The following GALNT18 variants were observed in gnomAD, a reference collection of about 807,000 sequenced individuals.
GALNT18 encodes the protein polypeptide N-acetylgalactosaminyltransferase 18, also known as GalNAc-transferase 18.
GALNT18 carries 44 observed loss-of-function variants against 69.5 expected under a neutral mutation model. The ratio of observed to expected loss-of-function variants is 0.63; its 90% CI spans 0.50 to 0.81. GALNT18 has a LOEUF of 0.81. Ranked by LOEUF, GALNT18 falls within the 40% of genes least tolerant of loss-of-function variation. The pLI, the probability that GALNT18 is intolerant of heterozygous loss-of-function variation, is 0.00. For missense variants in GALNT18, 715 were observed against 810.0 expected (o/e 0.88, Z 1.42); for synonymous variants, 364 against 318.2 (o/e 1.14, Z -1.53).
chr11:11,400,036 T>C lies in GALNT18; in HGVS notation c.596-20772A>G, dbSNP rs527332918. The stretch of plus-strand genomic sequence containing the variant: ...GATTTAGTTGCCTGCTCCTAAAAAA[T>C]AGAATATGGCAGCAGTGGAAGTGAT... On this transcript the variant is annotated intron_variant, in intron 3 of 10. Coordinates refer to ENST00000227756, the MANE Select transcript of GALNT18 (RefSeq NM_198516.3). Among the ~76,000 whole-genome samples the C allele has an allele frequency of 3.9e-5, 6 of 152,280 alleles. No individual in the cohort carries two copies. The South Asian group carries it at 1.2e-3, about 32-fold the overall frequency.
intron 1 of GALNT18, among the ~76,000 whole-genome samples, chr11:11,485,618 T>C (rs1394269750): frequency 6.6e-6 from 1 of 152,162 alleles, no homozygotes; most frequent in Non-Finnish European, 1.5e-5. Context: ...TCATGAGTGC[T>C]GGCTGGCAGG....
rs1157277686 is a variant in GALNT18, at chr11:11,436,969, A to G, written c.429-4182T>C. Among the ~76,000 whole-genome samples the G allele has an allele frequency of 6.6e-6, 1 of 152,198 alleles. No homozygotes were observed. The highest frequency in any genetic ancestry group is 6.5e-5 in the Admixed American group (1 of 15,278). On this transcript the variant is annotated intron_variant, in intron 2 of 10. Transcript: ENST00000227756. This position sits in a 1 kb window ranked among gnomAD's most constrained non-coding sequence, Gnocchi z 4.5. The stretch of plus-strand genomic sequence containing the variant: ...CTTTGCTCCCAAATCTGTACTGCTA[A>G]GATGCCCTCCCAGAGCACCTGGATT...
At chr11:11,481,532 G>A (rs999329279) in intron 1 of GALNT18, among the ~76,000 whole-genome samples, 2 of 152,154 alleles carry the variant, frequency 1.3e-5, no homozygotes, top group East Asian at 3.9e-4. Context: ...CTTTCCCAAG[G>A]GACAAGGGAA....
At chr11:11,379,374 CCA>C in intron 3 of GALNT18, 110 bp from the exon 4 acceptor site, 3 of 1,051,272 alleles carry the variant, frequency 2.9e-6, no homozygotes, top group Non-Finnish European at 4.1e-6. Context: ...GCTGGGGGAC[CCA>C]TTCCCCTCCC....
chr11:11,496,380 C>T lies in GALNT18; in HGVS notation c.236-47444G>A, dbSNP rs181582379. The stretch of plus-strand genomic sequence containing the variant: ...GGGTCCAATTACAGGGAAGGAGGGT[C>T]AGCTCTTGCCTGACTCAGTTGAACC... On this transcript the variant is annotated intron_variant, in intron 1 of 10. Transcript: ENST00000227756. This position sits in a 1 kb window ranked among gnomAD's most constrained non-coding sequence, Gnocchi z 4.0. Among the ~76,000 whole-genome samples, 211 of 152,286 alleles carry T rather than the reference C, an allele frequency of 1.4e-3. 4 individuals are homozygous for T. The highest frequency in any genetic ancestry group is 0.013 in the Admixed American group (200 of 15,302).
chr11:11,338,013 G>A lies in GALNT18; in HGVS notation c.1278+2806C>T, dbSNP rs1392651322. 6.7e-6 allele frequency among the ~76,000 whole-genome samples: 1 copy of A among 149,218 alleles called. No homozygotes were observed. The highest frequency in any genetic ancestry group is 1.5e-5 in the Non-Finnish European group (1 of 67,728). On this transcript the variant is annotated intron_variant, in intron 7 of 10. Transcript: ENST00000227756. This position sits in a 1 kb window ranked among gnomAD's most constrained non-coding sequence, Gnocchi z 5.3. ...CAGTCTCGCTCTGTCACCCAGGCTG[G>A]AGTGAGTGCAGTGGCACGATCTCAG...
rs144276977 is a variant in GALNT18 at position 11,339,594 on chromosome 11, G to C, written c.1278+1225C>G. ...AATACCGTGATTCAATCCTGACCAT[G>C]AGTCCAGAAGGTAATGCAGTTCCCC... is the stretch of plus-strand genomic sequence containing the variant. On this transcript the variant is annotated intron_variant, in intron 7 of 10. Transcript: ENST00000227756. This position sits in a 1 kb window ranked among gnomAD's most constrained non-coding sequence, Gnocchi z 5.2. Among the ~76,000 whole-genome samples the C allele has an allele frequency of 6.6e-6, 1 of 152,298 alleles. No homozygotes were observed. Among genetic ancestry groups the C allele is most frequent in the Non-Finnish European group, 1.5e-5 (1 of 68,030 alleles).
At chr11:11,352,114 A>G in intron 6 of GALNT18, 1 of 1,613,440 alleles carries the variant, frequency 6.2e-7, no homozygotes, top group Non-Finnish European at 8.5e-7. Flanking sequence ...ATGCTAGATG[A>G]ACCCATTCGA....
In GALNT18 at chr11:11,564,834, A is replaced by G. The variant is rs894889460; in HGVS notation, c.235+56525T>C. 1.3e-5 allele frequency among the ~76,000 whole-genome samples: 2 copies of G among 152,182 alleles called. No individual in the cohort carries two copies. Among genetic ancestry groups the G allele is most frequent in the African/African-American group, 4.8e-5 (2 of 41,438 alleles). On this transcript the variant is annotated intron_variant, in intron 1 of 10. Transcript: ENST00000227756. This position sits in a 1 kb window ranked among gnomAD's most constrained non-coding sequence, Gnocchi z 4.3. ...TAATTACAATTAAATAAGTCAAACT[A>G]GCTACATTTCAAGTGTTCATAAGTG...
chr11:11,463,690 C>T lies in GALNT18; in HGVS notation c.236-14754G>A, dbSNP rs937966222. The stretch of plus-strand genomic sequence containing the variant: ...CGAAAAAACTGAACAAACAGGCCCT[C>T]CCAACCCCAGGCCCTGGCAGGATAG... On this transcript the variant is annotated intron_variant, in intron 1 of 10. Coordinates refer to ENST00000227756, the MANE Select transcript of GALNT18 (RefSeq NM_198516.3). This position sits in a 1 kb window ranked among gnomAD's most constrained non-coding sequence, Gnocchi z 4.2. Among the ~76,000 whole-genome samples the T allele has an allele frequency of 2.0e-5, 3 of 152,220 alleles. No individual in the cohort carries two copies. Among genetic ancestry groups the T allele is most frequent in the African/African-American group, 7.2e-5 (3 of 41,462 alleles).
At chr11:11,300,941 G>C (rs368129384) in intron 9 of GALNT18, among the ~76,000 whole-genome samples, 2 of 152,168 alleles carry the variant, frequency 1.3e-5, no homozygotes, top group South Asian at 4.1e-4. Flanking sequence ...AAATGTTGGC[G>C]CAACACACAC....
rs953152232 is a variant in GALNT18 at position 11,332,234 on chromosome 11, T to A, written c.1416+460A>T. ...CAAGCAGTACTAAAAATACAGCAAA[T>A]AAAATAAATTCAAGATGGCTCTGTC... On this transcript the variant is annotated intron_variant, in intron 8 of 10. Coordinates refer to ENST00000227756, the MANE Select transcript of GALNT18 (RefSeq NM_198516.3). This position sits in a 1 kb window ranked among gnomAD's most constrained non-coding sequence, Gnocchi z 4.3. Among the ~76,000 whole-genome samples the A allele has an allele frequency of 2.0e-5, 3 of 151,884 alleles. No individual in the cohort carries two copies. The highest frequency in any genetic ancestry group is 7.3e-5 in the African/African-American group (3 of 41,300).
At chr11:11,280,385 C>T (rs1849046448) in intron 10 of GALNT18, among the ~76,000 whole-genome samples, 1 of 152,106 alleles carries the variant, frequency 6.6e-6, no homozygotes, top group South Asian at 2.1e-4. Context: ...GCCATGGGAC[C>T]CTTCAGCTCT....
intron 1 of GALNT18, among the ~76,000 whole-genome samples, chr11:11,491,669 T>C (rs570817453): frequency 1.3e-5 from 2 of 152,324 alleles, no homozygotes; most frequent in South Asian, 4.1e-4. Context: ...TGCATATTCA[T>C]TTAATCATTC....
intron 1 of GALNT18, chr11:11,475,824 C>A (rs1856382201): frequency 6.6e-6 from 1 of 152,218 alleles, no homozygotes. Flanking sequence ...TGGATTGTCA[C>A]AGTTGGAGTC....
chr11:11,529,009 C>T (rs1354795162), intron 1 of GALNT18, among the ~76,000 whole-genome samples: 1 of 152,176 alleles, frequency 6.6e-6, no homozygotes, highest in Non-Finnish European at 1.5e-5. Flanking sequence ...TTGGCCAAGA[C>T]ACCTTGCTAG....
chr11:11,405,077 AG>A (rs1854559780), intron 3 of GALNT18, among the ~76,000 whole-genome samples: 1 of 152,194 alleles, frequency 6.6e-6, no homozygotes, highest in Non-Finnish European at 1.5e-5. Context: ...AGTCAGACTC[AG>A]TTACCTGACA....
intron 9 of GALNT18, among the ~76,000 whole-genome samples, chr11:11,324,448 A>G (rs1211398261): frequency 6.6e-6 from 1 of 152,348 alleles, no homozygotes; most frequent in Admixed American, 6.5e-5. Context: ...GTATATTTGT[A>G]AAATGGAATA....
rs537412313 is a variant in GALNT18, at chr11:11,318,289, G to A, written c.1512+8797C>T. ...GTACCTCATAATGTAATCTTATTTG[G>A]AAATAGAGTCATTGCAGATATAATT... On this transcript the variant is annotated intron_variant, in intron 9 of 10. Coordinates refer to ENST00000227756, the MANE Select transcript of GALNT18 (RefSeq NM_198516.3). The surrounding 1 kb of genome is among the most constrained non-coding windows in gnomAD (Gnocchi z 5.1). Among the ~76,000 whole-genome samples the A allele has an allele frequency of 1.3e-5, 2 of 152,274 alleles. No homozygotes were observed. Among genetic ancestry groups the A allele is most frequent in the East Asian group, 3.9e-4 (2 of 5,184 alleles).
Sources: gnomAD v4.1 joint callset for allele counts (sites outside exome capture counted in the v4.1 genomes callset) on GRCh38, gnomAD v4.1.1 for gene constraint, Gnocchi (gnomAD v3.1) non-coding constraint, MANE v1.5 for transcripts, NCBI Gene and HGNC (gene_info 2026-07-23, HGNC 2026-07-21) for gene names.